NME7: variants seen among roughly 807,000 people sequenced by gnomAD.
The protein encoded by NME7 is nucleoside diphosphate kinase 7.
NME7 carries 41 observed loss-of-function variants against 49.1 expected under a neutral mutation model. The observed-to-expected ratio is 0.83, with a 90% CI of 0.65 to 1.08. The LOEUF is 1.08. Among genes scored for constraint, NME7 ranks in the 50% least tolerant of loss-of-function variants. The probability of loss-of-function intolerance (pLI) is 0.00; values close to 1 mark genes in which losing one functional copy is unlikely to be tolerated. For synonymous variants in NME7, 139 were observed against 150.6 expected (o/e 0.92, Z 0.56); for missense variants, 423 against 463.4 (o/e 0.91, Z 0.80).
Position 169,355,036 on chromosome 1 carries a change from AT to A in NME7, c.3+12671del, listed in dbSNP as rs1653351768. On this transcript the variant is annotated intron_variant, in intron 1 of 11. Transcript: ENST00000367811. Reference sequence around the variant, plus strand: ...TATATAATATAATTATATATTATATATTATAGATATAATATATAATATACTA... The same window carrying A: ...TATATAATATAATTATATATTATATATATAGATATAATATATAATATACTA... Among the ~76,000 whole-genome samples the A allele has an allele frequency of 1.2e-4, 9 of 73,256 alleles. 1 individual carries two copies. Among genetic ancestry groups the A allele is most frequent in the African/African-American group, 3.8e-4 (7 of 18,484 alleles). The allele number at this position is 73,256 out of a possible 152,430, so 48.1% of individuals were successfully genotyped here.
At chr1:169,142,361 T>C (rs1658619614) in intron 11 of NME7, among the ~76,000 whole-genome samples, 1 of 152,198 alleles carries the variant, frequency 6.6e-6, no homozygotes, top group African/African-American at 2.4e-5. Flanking sequence ...CAGAATAAGA[T>C]AAGATGTGTT....
At chr1:169,336,130 G>C (rs188490539) in intron 1 of NME7, among the ~76,000 whole-genome samples, 95 of 151,904 alleles carry the variant, frequency 6.3e-4, no homozygotes, top group African/African-American at 2.2e-3. Context: ...AGACCTTTGC[G>C]GTGAGTGTTA....
intron 3 of NME7, among the ~76,000 whole-genome samples, chr1:169,317,590 C>T (rs980869419): frequency 6.6e-6 from 1 of 152,050 alleles, no homozygotes; most frequent in Non-Finnish European, 1.5e-5. Context: ...CCTTCTGCAG[C>T]CAAAACTCAA....
chr1:169,349,159 G>T (rs888936831), intron 1 of NME7, among the ~76,000 whole-genome samples: 1 of 152,070 alleles, frequency 6.6e-6, no homozygotes, highest in African/African-American at 2.4e-5. Flanking sequence ...AAAGAAAAGT[G>T]AGAGCAAGTT....
chr1:169,323,835 C>CTTTTTT (rs33970981), intron 2 of NME7, among the ~76,000 whole-genome samples: 1 of 84,258 alleles, frequency 1.2e-5, no homozygotes, highest in Non-Finnish European at 2.2e-5. Flanking sequence ...CCATTTCAGT[C>CTTTTTT]TTTTTTTTTT....
chr1:169,287,405 T>C lies in NME7; in HGVS notation c.652A>G (p.Met218Val). The C allele has an allele frequency of 6.3e-7, 1 of 1,588,348 alleles. No individual in the cohort carries two copies. The highest frequency in any genetic ancestry group is 8.6e-7 in the Non-Finnish European group (1 of 1,168,872). ...CCACTTGAAGGAAAAAACAACTCCATTTCCTAAAGACAGAGAGAAATGATT... is the reference window on the plus strand; with the variant it reads ...CCACTTGAAGGAAAAAACAACTCCACTTCCTAAAGACAGAGAGAAATGATT... ...PDSFASAARE[M>V]ELFFPSSGGC... The change falls in exon 7 of 12, where the codon ATG becomes GTG. Residue 218 changes from methionine to valine, a missense_variant. Physicochemically the swap from Met to Val is conservative, Grantham distance 21. Coordinates refer to ENST00000367811, the MANE Select transcript of NME7 (RefSeq NM_013330.5).
chr1:169,258,405 T>TATATATATATATAC (rs1422519342), intron 7 of NME7, among the ~76,000 whole-genome samples: 45 of 68,766 alleles, frequency 6.5e-4, no homozygotes, highest in African/African-American at 2.2e-3. Context: ...TATATATATA[T>TATATATATATATAC]ACACACACAC....
At chr1:169,310,577 G>A (rs948211981) in intron 3 of NME7, 50 of 153,080 alleles carry the variant, frequency 3.3e-4, no homozygotes, top group Admixed American at 8.5e-4. Flanking sequence ...AGAATCAAAT[G>A]TCTTCTTATA....
intron 11 of NME7, among the ~76,000 whole-genome samples, chr1:169,134,821 A>G (rs1358181162): frequency 2.0e-5 from 3 of 152,018 alleles, no homozygotes; most frequent in Non-Finnish European, 2.9e-5. Flanking sequence ...CAGGTGGTAA[A>G]TATGATAAAA....
At chr1:169,208,457 G>T (rs555229887) in intron 10 of NME7, among the ~76,000 whole-genome samples, 1 of 152,216 alleles carries the variant, frequency 6.6e-6, no homozygotes, top group Non-Finnish European at 1.5e-5. Context: ...AACATGTCAG[G>T]AACCTTTAGA....
At chr1:169,157,998 T>C (rs1659127866) in intron 11 of NME7, among the ~76,000 whole-genome samples, 1 of 152,202 alleles carries the variant, frequency 6.6e-6, no homozygotes, top group South Asian at 2.1e-4. Context: ...TCCCATTCGA[T>C]AGGTTGTCTG....
intron 10 of NME7, among the ~76,000 whole-genome samples, chr1:169,188,455 G>C (rs1331240939): frequency 6.6e-6 from 1 of 152,162 alleles, no homozygotes; most frequent in Non-Finnish European, 1.5e-5. Context: ...TTCAGGTCCT[G>C]CCTGGGTACT....
At chr1:169,149,150 G>A (rs1240467589) in intron 11 of NME7, among the ~76,000 whole-genome samples, 5 of 152,172 alleles carry the variant, frequency 3.3e-5, no homozygotes, top group African/African-American at 9.7e-5. Flanking sequence ...AGACCAGCCT[G>A]GCTAACATGG....
intron 7 of NME7, among the ~76,000 whole-genome samples, chr1:169,269,889 A>T (rs1350608670): frequency 7.5e-6 from 1 of 133,958 alleles, no homozygotes; most frequent in Admixed American, 7.4e-5. Flanking sequence ...ACCAAAACAC[A>T]ACATCAAGGT....
intron 8 of NME7, among the ~76,000 whole-genome samples, chr1:169,236,881 T>G (rs1647878127): frequency 6.6e-6 from 1 of 152,090 alleles, no homozygotes; most frequent in Non-Finnish European, 1.5e-5. Flanking sequence ...TCAAAATGGC[T>G]ATTTTGGTAT....
In NME7 at chr1:169,273,591, C is replaced by A. The variant is rs1346186451; in HGVS notation, c.754+13712G>T. Reference sequence around the variant, plus strand: ...TCGTCATTTAGCATTAGGTATATCTCCTAATGCTATCCCTCCCCACTCCCC... The same window carrying A: ...TCGTCATTTAGCATTAGGTATATCTACTAATGCTATCCCTCCCCACTCCCC... On this transcript the variant is annotated intron_variant, in intron 7 of 11. Coordinates refer to ENST00000367811, the MANE Select transcript of NME7 (RefSeq NM_013330.5). Among the ~76,000 whole-genome samples the A allele has an allele frequency of 2.3e-5, 3 of 131,038 alleles. 1 individual carries two copies. Among genetic ancestry groups the A allele is most frequent in the Admixed American group, 2.3e-4 (3 of 13,266 alleles). The allele number at this position is 131,038 out of a possible 152,430, so 86.0% of individuals were successfully genotyped here. A position where few individuals can be genotyped will look rare whatever the true frequency, so the allele number is the denominator to read the frequency against.
chr1:169,232,638 T>A (rs1647681771), intron 9 of NME7, among the ~76,000 whole-genome samples: 1 of 151,210 alleles, frequency 6.6e-6, no homozygotes, highest in African/African-American at 2.4e-5. Flanking sequence ...AAAATGTAAA[T>A]CTGTATTCTA....
chr1:169,202,775 A>C (rs952458013), intron 10 of NME7, among the ~76,000 whole-genome samples: 1 of 152,320 alleles, frequency 6.6e-6, no homozygotes, highest in Admixed American at 6.5e-5. Flanking sequence ...CAGAAGCCAG[A>C]AACATGCAAT....
chr1:169,343,679 C>A (rs1168586125), intron 1 of NME7, among the ~76,000 whole-genome samples: 1 of 151,850 alleles, frequency 6.6e-6, no homozygotes, highest in African/African-American at 2.4e-5. Context: ...ATTTTTATAG[C>A]AGACAGGGCT....
Sources: gnomAD v4.1 joint callset for allele counts (sites outside exome capture counted in the v4.1 genomes callset) on GRCh38, gnomAD v4.1.1 for gene constraint, MANE v1.5 for transcripts, NCBI Gene and HGNC (gene_info 2026-07-23, HGNC 2026-07-21) for gene names.